The following ZZEF1 variants were observed in gnomAD, a reference collection of about 807,000 sequenced individuals.
ZZEF1 encodes the protein zinc finger ZZ-type and EF-hand domain containing 1, also known as zinc finger ZZ-type and EF-hand domain-containing protein 1.
ZZEF1 carries 157 observed loss-of-function variants against 342.8 expected under a neutral mutation model. That is an observed-to-expected ratio of 0.46 (90% confidence interval 0.40 to 0.52). The LOEUF is 0.52. Among genes scored for constraint, ZZEF1 ranks in the 20% least tolerant of loss-of-function variants. The probability of loss-of-function intolerance (pLI) is 0.00; values close to 1 mark genes in which losing one functional copy is unlikely to be tolerated. For synonymous variants in ZZEF1, 1,505 were observed against 1,429.1 expected, an observed-to-expected ratio of 1.05 and a Z score of -1.20; for missense variants, 3,480 against 3,725.6, an observed-to-expected ratio of 0.93 and a Z score of 1.72.
intron 2 of ZZEF1, 137 bp from the exon 3 acceptor site, chr17:4,117,303 G>C (rs2058411810): frequency 1.4e-6 from 1 of 692,460 alleles, no homozygotes; most frequent in Admixed American, 3.2e-5. Flanking sequence ...AGTTTTAATT[G>C]TTAAAAAATC....
Position 4,044,303 on chromosome 17 carries a change from T to C in ZZEF1, c.6087A>G (p.Val2029=). ...FKQRNKADKG[V]SLSKDPSCQT... is the part of the protein sequence containing the mutation. Reference sequence around the variant, plus strand: ...GGCATGAAGGATCCTTCGATAATGATACACCTTTATCTGCCTTATTTCTCT... The same window carrying C: ...GGCATGAAGGATCCTTCGATAATGACACACCTTTATCTGCCTTATTTCTCT... The change falls in exon 38 of 55, where the codon GTA becomes GTG. Residue 2029 remains valine (V), a synonymous_variant. Coordinates refer to ENST00000381638, the MANE Select transcript of ZZEF1 (RefSeq NM_015113.4). 6.2e-7 allele frequency: 1 copy of C among 1,614,188 alleles called. No individual in the cohort carries two copies. The highest frequency in any genetic ancestry group is 1.1e-5 in the South Asian group (1 of 91,086).
rs2145448627 is a variant in ZZEF1, at chr17:4,104,725, C to T, written c.1481G>A (p.Cys494Tyr). The change falls in exon 8 of 55, where the codon TGC (cysteine) becomes TAC (tyrosine). Residue 494 changes from cysteine (C) to tyrosine (Y), a missense_variant. Cys to Tyr is a radical substitution (Grantham distance 194). Around this residue, in one of 5 missense-constraint regions of ZZEF1, gnomAD observed 1,528 missense variants for 1,624.1 expected, o/e 0.94. Coordinates refer to ENST00000381638, the MANE Select transcript of ZZEF1 (RefSeq NM_015113.4). ...GSVAKVMSSL[C>Y]TITDHLDTQY... ...CGTGTCCAGATGGTCAGTGATGGTG[C>T]ATAGAGAGCTCATGACTTTGGCAAC... 2.5e-6 allele frequency: 4 copies of T among 1,614,090 alleles called. No homozygotes were observed. Among genetic ancestry groups the T allele is most frequent in the Non-Finnish European group, 3.4e-6 (4 of 1,179,986 alleles).
chr17:4,046,518 G>A (rs998711928), intron 37 of ZZEF1, among the ~76,000 whole-genome samples: 3 of 152,322 alleles, frequency 2.0e-5, no homozygotes, highest in Admixed American at 2.0e-4. Context: ...CAAACATTCA[G>A]GAGGTGACAT....
intron 30 of ZZEF1, 140 bp downstream of exon 30, chr17:4,062,613 G>T: frequency 2.1e-6 from 2 of 943,316 alleles, no homozygotes; most frequent in Non-Finnish European, 3.0e-6. Flanking sequence ...ATCTTTCCTT[G>T]GAATGAGAGA....
intron 42 of ZZEF1, among the ~76,000 whole-genome samples, chr17:4,028,767 C>T (rs915614836): frequency 6.6e-6 from 1 of 152,144 alleles, no homozygotes; most frequent in Non-Finnish European, 1.5e-5. Context: ...TTGAGTTTGG[C>T]TGAGCCTCTG....
intron 1 of ZZEF1, among the ~76,000 whole-genome samples, chr17:4,131,529 A>AGCACTTTG (rs1245319924): frequency 6.6e-6 from 1 of 152,084 alleles, no homozygotes; most frequent in Admixed American, 6.6e-5. Context: ...CTGTAATCCC[A>AGCACTTTG]GCACTTTGGG....
rs1172721630 is a variant in ZZEF1 at position 4,140,454 on chromosome 17, C to T, written c.354+2088G>A. ...TATTTATTCCTTATACCTTCCCCCT[C>T]GGTTAACACTCACCATATCTTATAA... On this transcript the variant is annotated intron_variant, in intron 1 of 54. Transcript: ENST00000381638. 2.6e-5 allele frequency among the ~76,000 whole-genome samples: 4 copies of T among 152,184 alleles called. No individual in the cohort carries two copies. The East Asian group carries it at 5.8e-4, about 22-fold the overall frequency.
chr17:4,097,477 GAA>G (rs1174680383), intron 9 of ZZEF1, among the ~76,000 whole-genome samples: 20 of 13,876 alleles, frequency 1.4e-3, no homozygotes, highest in African/African-American at 1.8e-3. Flanking sequence ...TTTGAAATGG[GAA>G]AAAAAAAAAA....
intron 10 of ZZEF1, 106 bp from the exon 11 acceptor site, chr17:4,096,085 A>C (rs753275357): frequency 8.0e-7 from 1 of 1,242,670 alleles, no homozygotes; most frequent in Non-Finnish European, 1.1e-6. Context: ...AACGAGACCA[A>C]TGAAAAATAT....
intron 39 of ZZEF1, among the ~76,000 whole-genome samples, chr17:4,041,188 A>G (rs1597800295): frequency 1.3e-5 from 2 of 152,196 alleles, no homozygotes; most frequent in East Asian, 3.8e-4. Context: ...GAAGAAAAAC[A>G]CATCTTCAAA....
At chr17:4,013,904 G>A (rs988062253) in intron 51 of ZZEF1, among the ~76,000 whole-genome samples, 186 bp downstream of exon 51, 3 of 152,160 alleles carry the variant, frequency 2.0e-5, no homozygotes, top group African/African-American at 7.2e-5. Flanking sequence ...GGCCATTCAA[G>A]TTTACAACTA....
chr17:4,051,885 CT>C, intron 35 of ZZEF1, 85 bp downstream of exon 35: 1 of 1,429,066 alleles, frequency 7.0e-7, no homozygotes, highest in East Asian at 2.5e-5. Flanking sequence ...ATAAAAAAAA[CT>C]TTTTTAAAAA....
chr17:4,030,122 T>A (rs1316650563), intron 42 of ZZEF1, among the ~76,000 whole-genome samples: 1 of 151,488 alleles, frequency 6.6e-6, no homozygotes, highest in Non-Finnish European at 1.5e-5. Flanking sequence ...ATCTGGGCAG[T>A]AATCAAAGAA....
At chr17:4,012,614 C>A (rs1389724301) in intron 52 of ZZEF1, among the ~76,000 whole-genome samples, 1 of 152,128 alleles carries the variant, frequency 6.6e-6, no homozygotes, top group East Asian at 1.9e-4. Flanking sequence ...AGGAATAAGG[C>A]AATTATGTCT....
chr17:4,123,290 T>TG (rs2058517839), intron 2 of ZZEF1, among the ~76,000 whole-genome samples: 2 of 96,280 alleles, frequency 2.1e-5, no homozygotes, highest in African/African-American at 7.8e-5. Flanking sequence ...TATATATATA[T>TG]ATATATATAT....
In ZZEF1 at chr17:4,142,673, T is replaced by G; in HGVS notation, c.223A>C (p.Arg75=). Reference sequence around the variant, plus strand: ...CAGCGAAACAACGCGCCGCGATGCCTCGACACCAGCGACTCGCAGGGGGGT... The same window carrying G: ...CAGCGAAACAACGCGCCGCGATGCCGCGACACCAGCGACTCGCAGGGGGGT... The part of the protein sequence containing the change: ...PTPPCESLVS[R]HRGALFRWLE... The change falls in exon 1 of 55, where the codon AGG becomes CGG. Residue 75 remains arginine (R), a synonymous_variant. Transcript: ENST00000381638. 1.9e-6 allele frequency: 3 copies of G among 1,607,190 alleles called. No homozygotes were observed. The highest frequency in any genetic ancestry group is 2.5e-6 in the Non-Finnish European group (3 of 1,179,596).
At chr17:4,049,131 TAC>T (rs1350176454) in intron 37 of ZZEF1, among the ~76,000 whole-genome samples, 1 of 152,196 alleles carries the variant, frequency 6.6e-6, no homozygotes, top group Non-Finnish European at 1.5e-5. Context: ...GCACTTGACA[TAC>T]AGTAGCTCAA....
At chr17:4,061,550 ATATCTTTACTTGG>A (rs1567804857) in intron 30 of ZZEF1, among the ~76,000 whole-genome samples, 1 of 152,140 alleles carries the variant, frequency 6.6e-6, no homozygotes, top group African/African-American at 2.4e-5. Flanking sequence ...TGTTTTCTCA[ATATCTTTACTTGG>A]TATCTTTACA....
At chr17:4,113,094 G>C (rs2058340899) in intron 4 of ZZEF1, among the ~76,000 whole-genome samples, 1 of 152,014 alleles carries the variant, frequency 6.6e-6, no homozygotes, top group Non-Finnish European at 1.5e-5. Flanking sequence ...CCTTTACCTG[G>C]CAAAAAAGCT....
Sources: gnomAD v4.1 joint callset for allele counts (sites outside exome capture counted in the v4.1 genomes callset) on GRCh38, gnomAD v4.1.1 for gene constraint, gnomAD v4.1.1 regional missense constraint, MANE v1.5 for transcripts, NCBI Gene and HGNC (gene_info 2026-07-23, HGNC 2026-07-21) for gene names.